DOCK3: variants seen among roughly 807,000 people sequenced by gnomAD.
DOCK3 encodes the protein dedicator of cytokinesis protein 3.
In DOCK3, 60 loss-of-function variants were observed where a neutral mutation model predicts 265.6. That is an observed-to-expected ratio of 0.23 (90% confidence interval 0.18 to 0.28). The LOEUF is 0.28. DOCK3 is among the 10% of genes least tolerant of loss of function. The pLI, the probability that DOCK3 is intolerant of heterozygous loss-of-function variation, is 1.00. For missense variants in DOCK3, 1,981 were observed against 2,594.3 expected (o/e 0.76, Z 5.14); for synonymous variants, 881 against 938.0 (o/e 0.94, Z 1.11).
At chr3:50,789,249 C>T (rs1401018904) in intron 2 of DOCK3, among the ~76,000 whole-genome samples, 1 of 152,174 alleles carries the variant, frequency 6.6e-6, no homozygotes, top group Non-Finnish European at 1.5e-5. Flanking sequence ...AATGATCATT[C>T]AGCAGCAGGT....
At chr3:51,042,080 T>G (rs1163228014) in intron 5 of DOCK3, among the ~76,000 whole-genome samples, 1 of 152,244 alleles carries the variant, frequency 6.6e-6, no homozygotes, top group Non-Finnish European at 1.5e-5. Context: ...TAACTCATTC[T>G]GTGAGGCCAG....
chr3:51,077,478 A>G (rs140742312), intron 7 of DOCK3, among the ~76,000 whole-genome samples: 1 of 152,322 alleles, frequency 6.6e-6, no homozygotes, highest in African/African-American at 2.4e-5. Context: ...AGCTTGAGCT[A>G]GAGCTGGAAG....
intron 27 of DOCK3, among the ~76,000 whole-genome samples, chr3:51,300,375 A>G (rs961280249): frequency 2.6e-5 from 4 of 152,138 alleles, no homozygotes; most frequent in African/African-American, 9.7e-5. Context: ...TTCACTTCCT[A>G]TTTGAATACC....
At chr3:51,372,103 G>A (rs2087732720) in intron 49 of DOCK3, among the ~76,000 whole-genome samples, 1 of 152,194 alleles carries the variant, frequency 6.6e-6, no homozygotes, top group Non-Finnish European at 1.5e-5. Context: ...CGGTCAATGA[G>A]AATAGGTGCT....
At chr3:50,909,312 G>C (rs1465915297) in intron 4 of DOCK3, among the ~76,000 whole-genome samples, 2 of 152,072 alleles carry the variant, frequency 1.3e-5, no homozygotes, top group Admixed American at 1.3e-4. Flanking sequence ...TAGTGTCACT[G>C]TTCTTCTGTG....
intron 5 of DOCK3, among the ~76,000 whole-genome samples, chr3:51,022,193 T>A (rs2079623220): frequency 1.3e-5 from 2 of 152,208 alleles, no homozygotes; most frequent in Admixed American, 1.3e-4. Context: ...ATTTTGTACA[T>A]TGACTGTATA....
intron 22 of DOCK3, among the ~76,000 whole-genome samples, chr3:51,249,720 CCT>C (rs2079090696): frequency 7.7e-6 from 1 of 129,426 alleles, no homozygotes; most frequent in Non-Finnish European, 1.7e-5. Flanking sequence ...CCCGGCCGCC[CCT>C]ACTGGAAAGT....
chr3:50,787,097 C>A, intron 2 of DOCK3: 1 of 717,194 alleles, frequency 1.4e-6, no homozygotes. Flanking sequence ...GTTTCTTGAA[C>A]GATTTATTAC....
chr3:51,242,905 G>C (rs1454405257), intron 21 of DOCK3, among the ~76,000 whole-genome samples: 2 of 152,202 alleles, frequency 1.3e-5, no homozygotes, highest in Non-Finnish European at 2.9e-5. Context: ...GCAGTATGGG[G>C]AGGGGGCATG....
At chr3:50,905,842 G>C (rs1392156403) in intron 4 of DOCK3, among the ~76,000 whole-genome samples, 1 of 152,102 alleles carries the variant, frequency 6.6e-6, no homozygotes, top group Non-Finnish European at 1.5e-5. Flanking sequence ...TCTTGTGCCA[G>C]TGTTCAAAGT....
At chr3:51,249,374 TGGG>T (rs1164571310) in intron 22 of DOCK3, among the ~76,000 whole-genome samples, 7 of 95,896 alleles carry the variant, frequency 7.3e-5, no homozygotes, top group African/African-American at 2.9e-4. Flanking sequence ...GGGAGGGAGG[TGGG>T]GGGGTTAGCC....
chr3:50,797,303 GTCAC>G, intron 2 of DOCK3, among the ~76,000 whole-genome samples: 1 of 152,346 alleles, frequency 6.6e-6, no homozygotes, highest in East Asian at 1.9e-4. Flanking sequence ...TTATGGGGTA[GTCAC>G]TCAGAAAGTG....
chr3:50,946,747 T>C (rs1222331223), intron 5 of DOCK3, among the ~76,000 whole-genome samples: 1 of 152,236 alleles, frequency 6.6e-6, no homozygotes, highest in Non-Finnish European at 1.5e-5. Flanking sequence ...AAGATTGTTT[T>C]CTTGTAACTG....
At chr3:50,687,888 A>C (rs1243448559) in intron 1 of DOCK3, among the ~76,000 whole-genome samples, 1 of 152,222 alleles carries the variant, frequency 6.6e-6, no homozygotes, top group African/African-American at 2.4e-5. Flanking sequence ...ACATATCCTC[A>C]TGTGCATCCT....
At chr3:50,952,430 G>A (rs919180048) in intron 5 of DOCK3, among the ~76,000 whole-genome samples, 3 of 152,090 alleles carry the variant, frequency 2.0e-5, no homozygotes, top group African/African-American at 7.2e-5. Flanking sequence ...GAAAAAAAAG[G>A]TATTTCAAAG....
chr3:50,872,990 G>A (rs2047506630), intron 3 of DOCK3, among the ~76,000 whole-genome samples: 1 of 152,182 alleles, frequency 6.6e-6, no homozygotes, highest in South Asian at 2.1e-4. Context: ...GCCAAGTCCT[G>A]GAATCAGGGA....
At chr3:50,880,830 A>T (rs1020366494) in intron 3 of DOCK3, among the ~76,000 whole-genome samples, 1 of 152,216 alleles carries the variant, frequency 6.6e-6, no homozygotes. Context: ...ACCAAAAAAG[A>T]GAATTTTAGA....
intron 1 of DOCK3, among the ~76,000 whole-genome samples, chr3:50,716,051 T>TTA (rs2037085041): frequency 1.3e-5 from 2 of 152,216 alleles, no homozygotes; most frequent in Admixed American, 1.3e-4. Flanking sequence ...ATTTTGTGTA[T>TTA]TATACTTCTC....
intron 5 of DOCK3, among the ~76,000 whole-genome samples, chr3:51,027,378 T>C (rs906277686): frequency 6.6e-6 from 1 of 152,094 alleles, no homozygotes; most frequent in Non-Finnish European, 1.5e-5. Flanking sequence ...GAGCATGTGG[T>C]CAATCTTAGA....
Sources: gnomAD v4.1 joint callset for allele counts (sites outside exome capture counted in the v4.1 genomes callset) on GRCh38, gnomAD v4.1.1 for gene constraint, MANE v1.5 for transcripts, NCBI Gene and HGNC (gene_info 2026-07-23, HGNC 2026-07-21) for gene names.